Variants in LPCAT4 observed in about 807,000 individuals in gnomAD.
The protein encoded by LPCAT4 is lysophosphatidylcholine acyltransferase 4, also known as lysophospholipid acyltransferase LPCAT4.
A neutral mutation model predicts 66.5 loss-of-function variants in LPCAT4; 30 were observed. The observed-to-expected ratio is 0.45, with a 90% CI of 0.34 to 0.61. The LOEUF is 0.61. Among genes scored for constraint, LPCAT4 ranks in the 20% least tolerant of loss-of-function variants. The probability of loss-of-function intolerance (pLI) is 0.01; values close to 1 mark genes in which losing one functional copy is unlikely to be tolerated. For synonymous variants in LPCAT4, 253 were observed against 262.1 expected, an observed-to-expected ratio of 0.97 and a Z score of 0.34; for missense variants, 557 against 656.7, an observed-to-expected ratio of 0.85 and a Z score of 1.66.
chr15:34,361,881 C>T (rs1445701977), intron 10 of LPCAT4, among the ~76,000 whole-genome samples: 1 of 151,968 alleles, frequency 6.6e-6, no homozygotes. Flanking sequence ...GTATTTTTAG[C>T]AGAGATGGGG....
intron 1 of LPCAT4, among the ~76,000 whole-genome samples, chr15:34,366,561 G>A (rs1595623421): frequency 1.3e-5 from 2 of 152,002 alleles, no homozygotes; most frequent in African/African-American, 2.4e-5. Flanking sequence ...GCAGGCTCCC[G>A]GCCCAGAAAC....
At chr15:34,360,555 G>A (rs372969812) in intron 11 of LPCAT4, among the ~76,000 whole-genome samples, 1 of 152,242 alleles carries the variant, frequency 6.6e-6, no homozygotes, top group Non-Finnish European at 1.5e-5. Context: ...CTCTGACTCA[G>A]CCTATGTAGA....
In LPCAT4 at chr15:34,362,183, C is replaced by T; in HGVS notation, c.1010+13G>A. On this transcript the variant is annotated intron_variant, in intron 10 of 13. Coordinates refer to ENST00000314891, the MANE Select transcript of LPCAT4 (RefSeq NM_153613.3). Reference sequence around the variant, plus strand: ...GTGACACTGCTCATACCCTCATTTCCAAGACCACTTACCCAGCCTTCCGAA... The same window carrying T: ...GTGACACTGCTCATACCCTCATTTCTAAGACCACTTACCCAGCCTTCCGAA... The T allele has an allele frequency of 6.2e-7, 1 of 1,612,274 alleles. No homozygotes were observed. The highest frequency in any genetic ancestry group is 8.5e-7 in the Non-Finnish European group (1 of 1,179,532).
chr15:34,364,063 A>G lies in LPCAT4; in HGVS notation c.602T>C (p.Phe201Ser). Residue 201 changes from phenylalanine (F) to serine (S), a missense_variant, in exon 5 of 14, where the codon TTT becomes TCT. Around this residue, in one of 4 missense-constraint regions of LPCAT4, gnomAD observed 392 missense variants for 473.9 expected, o/e 0.83. Coordinates refer to ENST00000314891, the MANE Select transcript of LPCAT4 (RefSeq NM_153613.3). ...CTTGTTGGAACAGGTGCCCTCAGGA[A>G]AGAATAGCACCTGGGGTAAAAAAGA... ...SGGKWPQVLF[F>S]PEGTCSNKKA... 6.2e-7 allele frequency: 1 copy of G among 1,613,294 alleles called. No homozygotes were observed. Among genetic ancestry groups the G allele is most frequent in the Non-Finnish European group, 8.5e-7 (1 of 1,179,236 alleles).
At position 34,359,714 on chromosome 15, in the gene LPCAT4, T is replaced by A. The variant is rs1314913801; in HGVS notation, c.1274A>T (p.Asn425Ile). The part of the protein sequence containing the change: ...LFAEEQAEGP[N>I]RLLYKDGFST... ...GAAGCCGTCTTTGTACAGCAGGCGGTTGGGACCCTCTGCTTGCTCTTCAGC... is the reference window on the plus strand; with the variant it reads ...GAAGCCGTCTTTGTACAGCAGGCGGATGGGACCCTCTGCTTGCTCTTCAGC... Residue 425 changes from asparagine (N) to isoleucine (I), a missense_variant, in exon 13 of 14, where the codon AAC becomes ATC. Physicochemically the swap from Asn to Ile is moderately radical, Grantham distance 149. Transcript: ENST00000314891. 1.2e-6 allele frequency: 2 copies of A among 1,613,610 alleles called. No homozygotes were observed.
In LPCAT4 at chr15:34,367,136, T is replaced by C. The variant is rs1265360272; in HGVS notation, c.-36A>G. 1.3e-6 allele frequency: 2 copies of C among 1,498,144 alleles called. No homozygotes were observed. Among genetic ancestry groups the C allele is most frequent in the South Asian group, 1.3e-5 (1 of 77,956 alleles). The allele number at this position is 1,498,144 out of a possible 1,614,324, so 92.8% of individuals were successfully genotyped here. Reference sequence around the variant, plus strand: ...GGTGGGAGGGAGGGCACCCCGGCCCTGGCCCCGGCCACCACTCTGCAGAGC... The same window carrying C: ...GGTGGGAGGGAGGGCACCCCGGCCCCGGCCCCGGCCACCACTCTGCAGAGC... On this transcript the variant is annotated 5_prime_UTR_variant, in exon 1 of 14. Coordinates refer to ENST00000314891, the MANE Select transcript of LPCAT4 (RefSeq NM_153613.3).
chr15:34,363,587 AAC>A lies in LPCAT4; in HGVS notation c.711+72_711+73del, dbSNP rs1891000401. 4.4e-6 allele frequency: 7 copies of A among 1,603,340 alleles called. No individual in the cohort carries two copies. The highest frequency in any genetic ancestry group is 6.0e-6 in the Non-Finnish European group (7 of 1,170,226). ...CCAATGCACATCCCATTAAAGCACC[AAC>A]AGTTTTCACTTATTTCCATTTGGGG... is the stretch of plus-strand genomic sequence containing the variant. On this transcript the variant is annotated intron_variant, in intron 6 of 13. Transcript: ENST00000314891. The surrounding 1 kb of genome is among the most constrained non-coding windows in gnomAD (Gnocchi z 4.3).
chr15:34,363,688 A>T lies in LPCAT4; in HGVS notation c.684T>A (p.Pro228=). 1 of 1,614,166 alleles carries T rather than the reference A, an allele frequency of 6.2e-7. No individual in the cohort carries two copies. The highest frequency in any genetic ancestry group is 1.1e-5 in the South Asian group (1 of 91,078). Residue 228 remains proline, a synonymous_variant, in exon 6 of 14, where the codon CCT becomes CCA. Transcript: ENST00000314891. The surrounding 1 kb of genome is among the most constrained non-coding windows in gnomAD (Gnocchi z 4.3). The stretch of plus-strand genomic sequence containing the variant: ...GACTGTTGGGGTAGCGGATGAGGAC[A>T]GGCTGCACAGGCACCCCTGCGATGA... The part of the protein sequence containing the change: ...GAFIAGVPVQ[P]VLIRYPNSLD...
At chr15:34,362,528 TTGCCCTGTGCAAC>T in intron 9 of LPCAT4, 32 bp downstream of exon 9, 1 of 1,515,836 alleles carries the variant, frequency 6.6e-7, no homozygotes, top group Non-Finnish European at 8.9e-7. Flanking sequence ...TGTGGTTCCT[TTGCCCTGTGCAAC>T]TGCTCCAGGA....
chr15:34,360,367 A>G, intron 11 of LPCAT4, among the ~76,000 whole-genome samples, 158 bp from the exon 12 acceptor site: 1 of 152,192 alleles, frequency 6.6e-6, no homozygotes, highest in East Asian at 1.9e-4. Context: ...GATCCCTGGA[A>G]TTTCTCTCAG....
In LPCAT4 at chr15:34,363,312, T is replaced by C. The variant is rs1890993386; in HGVS notation, c.746+110A>G. 2 of 1,178,224 alleles carry C rather than the reference T, an allele frequency of 1.7e-6. No homozygotes were observed. The highest frequency in any genetic ancestry group is 4.2e-5 in the Admixed American group (2 of 48,134). 73.0% of individuals were successfully genotyped at this position (1,178,224 alleles called of 1,614,324 possible). On this transcript the variant is annotated intron_variant, in intron 7 of 13. Transcript: ENST00000314891. This position sits in a 1 kb window ranked among gnomAD's most constrained non-coding sequence, Gnocchi z 4.3. ...GGTGTCTCCTCTAGAGTTCTCTCAG[T>C]CCTCAGATGAAGAAGGGCCATTCAC...
chr15:34,363,751 G>A lies in LPCAT4; in HGVS notation c.653-32C>T, dbSNP rs370173038. 26 of 1,613,152 alleles carry A rather than the reference G, an allele frequency of 1.6e-5. No individual in the cohort carries two copies. The highest frequency in any genetic ancestry group is 1.2e-4 in the Admixed American group (7 of 59,974). On this transcript the variant is annotated intron_variant, in intron 5 of 13. Coordinates refer to ENST00000314891, the MANE Select transcript of LPCAT4 (RefSeq NM_153613.3). The surrounding 1 kb of genome is among the most constrained non-coding windows in gnomAD (Gnocchi z 4.3). ...CCCATTTCCACCCCCACCCCCACAA[G>A]GCAGAGGTTAGTACACAGAAGTAGC...
At chr15:34,360,064 G>T in intron 12 of LPCAT4, 47 bp downstream of exon 12, 1 of 1,460,926 alleles carries the variant, frequency 6.8e-7, no homozygotes, top group Non-Finnish European at 9.6e-7. Context: ...CTGGAGCGGG[G>T]TGAGCATAGC....
At chr15:34,360,301 A>G (rs1347565827) in intron 11 of LPCAT4, 92 bp from the exon 12 acceptor site, 2 of 923,742 alleles carry the variant, frequency 2.2e-6, no homozygotes, top group Non-Finnish European at 3.5e-6. Context: ...TCAGCAAATA[A>G]TGGGGGTGAT....
intron 1 of LPCAT4, 153 bp from the exon 2 acceptor site, chr15:34,365,854 G>A: frequency 1.2e-6 from 1 of 843,236 alleles, no homozygotes; most frequent in Admixed American, 2.8e-5. Context: ...TGGGACCCAA[G>A]GTGGGATGAA....
chr15:34,366,424 G>A (rs761954769), intron 1 of LPCAT4, among the ~76,000 whole-genome samples: 15 of 152,058 alleles, frequency 9.9e-5, no homozygotes, highest in Non-Finnish European at 2.2e-4. Flanking sequence ...CTAGGCTGGC[G>A]CGGCCCTCCA....
In LPCAT4 at chr15:34,363,841, T is replaced by C; in HGVS notation, c.653-122A>G. On this transcript the variant is annotated intron_variant, in intron 5 of 13. Transcript: ENST00000314891. This position sits in a 1 kb window ranked among gnomAD's most constrained non-coding sequence, Gnocchi z 4.3. ...ATGAGATATGGTTTTGTTCCACTCA[T>C]TGATAATTTTCTCTCTGACTCCTCG... 1 of 1,371,580 alleles carries C rather than the reference T, an allele frequency of 7.3e-7. No homozygotes were observed. The allele number at this position is 1,371,580 out of a possible 1,614,324, so 85.0% of individuals were successfully genotyped here.
At chr15:34,360,423 C>T (rs1890915972) in intron 11 of LPCAT4, among the ~76,000 whole-genome samples, 1 of 152,206 alleles carries the variant, frequency 6.6e-6, no homozygotes, top group South Asian at 2.1e-4. Context: ...GTGACAAAGC[C>T]CTCCCATAAA....
Position 34,362,844 on chromosome 15 carries a change from A to T in LPCAT4, c.747-8T>A, listed in dbSNP as rs1425514747. 1.9e-6 allele frequency: 3 copies of T among 1,613,940 alleles called. No individual in the cohort carries two copies. In the African/African-American group the frequency reaches 4.0e-5, roughly 22 times the overall value. ...AGCCAGAGGACTTTGAGTCTAAGAG[A>T]AGAGAGATTTCGATACTCACCAATC... is the stretch of plus-strand genomic sequence containing the variant. On this transcript the variant is annotated splice_polypyrimidine_tract_variant and splice_region_variant and intron_variant, in intron 7 of 13. Transcript: ENST00000314891.
Sources: allele counts gnomAD v4.1 joint callset (sites outside exome capture counted in the v4.1 genomes callset), GRCh38; gene constraint gnomAD v4.1.1; regional missense constraint gnomAD v4.1.1; non-coding constraint Gnocchi (gnomAD v3.1); transcripts MANE v1.5; gene names NCBI Gene and HGNC (gene_info 2026-07-23, HGNC 2026-07-21).